Variants in MLXIPL observed in about 807,000 individuals in gnomAD.
MLXIPL encodes carbohydrate-responsive element-binding protein.
Under a neutral mutation model 81.5 loss-of-function variants are expected in MLXIPL, and 49 were observed. That is an observed-to-expected ratio of 0.60 (90% CI 0.48 to 0.76). MLXIPL has a LOEUF of 0.76. MLXIPL is among the 30% of genes least tolerant of loss of function. MLXIPL has a pLI of 0.00. For missense variants in MLXIPL, 1,053 were observed against 1,167.0 expected (o/e 0.90, Z 1.42); for synonymous variants, 466 against 485.5 (o/e 0.96, Z 0.53).
chr7:73,599,649 G>A lies in MLXIPL; in HGVS notation c.948C>T (p.Asn316=). The change falls in exon 8 of 17, where the codon AAC becomes AAT. Residue 316 remains asparagine, a synonymous_variant. Coordinates refer to ENST00000313375, the MANE Select transcript of MLXIPL (RefSeq NM_032951.3). ...SRLPQPPMPS[N]FPEPPSFSPV... is the part of the protein sequence containing the mutation. ...GGCTGAAGCTGGGGGGCTCTGGGAA[G>A]TTTGAAGGCATGGGCGGCTGTGGGA... 12 of 1,609,036 alleles carry A rather than the reference G, an allele frequency of 7.5e-6. No individual in the cohort carries two copies. Among genetic ancestry groups the A allele is most frequent in the Non-Finnish European group, 1.0e-5 (12 of 1,177,304 alleles).
In MLXIPL at chr7:73,596,543, C is replaced by T; in HGVS notation, c.1823-64G>A. 3 of 1,602,914 alleles carry T rather than the reference C, an allele frequency of 1.9e-6. No individual in the cohort carries two copies. The highest frequency in any genetic ancestry group is 2.6e-6 in the Non-Finnish European group (3 of 1,173,590). ...CAGGGGAAAGGGTCCCCATTGCCCC[C>T]TTCCTCTCATCTGGCCCCAGACCCA... On this transcript the variant is annotated intron_variant, in intron 11 of 16. Coordinates refer to ENST00000313375, the MANE Select transcript of MLXIPL (RefSeq NM_032951.3). This position sits in a 1 kb window ranked among gnomAD's most constrained non-coding sequence, Gnocchi z 4.7.
chr7:73,607,593 C>A lies in MLXIPL; in HGVS notation c.480G>T (p.Pro160=). The change falls in exon 3 of 17, where the codon CCG becomes CCT. Residue 160 remains proline (P), a synonymous_variant. Coordinates refer to ENST00000313375, the MANE Select transcript of MLXIPL (RefSeq NM_032951.3). ...AGGCGGTCCAGAACCCAGCTACCTC[C>A]GGCTTCCGGTGCGCATCAGCCTCAG... ...QGPEADAHRK[P]EAVVLEGNYW... The A allele has an allele frequency of 6.2e-7, 1 of 1,612,816 alleles. No individual in the cohort carries two copies. The highest frequency in any genetic ancestry group is 8.5e-7 in the Non-Finnish European group (1 of 1,179,956).
At chr7:73,627,335 G>A (rs1400419906), upstream of MLXIPL, among the ~76,000 whole-genome samples, 4 of 147,090 alleles carry the variant, frequency 2.7e-5, no homozygotes, top group African/African-American at 1.0e-4. Flanking sequence ...TGCAACCTCC[G>A]CCTCCCGGGC....
rs782657506 is a variant in MLXIPL, at chr7:73,605,972, G to A, written c.758C>T (p.Ser253Leu). 20 of 1,592,352 alleles carry A rather than the reference G, an allele frequency of 1.3e-5. No individual in the cohort carries two copies. Among genetic ancestry groups the A allele is most frequent in the Admixed American group, 7.1e-5 (4 of 56,322 alleles). ...LDLNCFLSDI[S>L]DTLFTMTQSG... ...CTGAGTCATGGTGAAGAGAGTGTCT[G>A]AGATGTCGGACAAAAAGCAATTGAG... is the stretch of plus-strand genomic sequence containing the variant. Residue 253 changes from serine to leucine, a missense_variant, in exon 6 of 17, where the codon TCA becomes TTA. By Grantham distance (145) the Ser-to-Leu change is moderately radical (BLOSUM62 -2). Coordinates refer to ENST00000313375, the MANE Select transcript of MLXIPL (RefSeq NM_032951.3).
rs781870697 is a variant in MLXIPL, at chr7:73,597,518, C to G, written c.1267G>C (p.Ala423Pro). The change falls in exon 9 of 17, where the codon GCT becomes CCT. Residue 423 changes from alanine to proline, a missense_variant. Coordinates refer to ENST00000313375, the MANE Select transcript of MLXIPL (RefSeq NM_032951.3). Reference protein sequence around the residue: ...PPFPPMAPPTALLQEEPLFSP... With the variant: ...PPFPPMAPPTPLLQEEPLFSP... ...AAGAGAGGCTCTTCCTGCAGCAAAGCAGTGGGTGGTGCCATGGGAGGGAAG... is the reference window on the plus strand; with the variant it reads ...AAGAGAGGCTCTTCCTGCAGCAAAGGAGTGGGTGGTGCCATGGGAGGGAAG... The G allele has an allele frequency of 2.0e-5, 27 of 1,375,276 alleles. No individual in the cohort carries two copies. The highest frequency in any genetic ancestry group is 2.2e-5 in the Non-Finnish European group (23 of 1,063,176). 85.2% of individuals were successfully genotyped at this position (1,375,276 alleles called of 1,614,324 possible).
At chr7:73,621,123 G>T (rs990286608) in intron 1 of MLXIPL, among the ~76,000 whole-genome samples, 7 of 151,566 alleles carry the variant, frequency 4.6e-5, no homozygotes, top group Non-Finnish European at 5.9e-5. Flanking sequence ...TTAGAGAGGG[G>T]GTTGAGAAAA....
intron 8 of MLXIPL, 110 bp downstream of exon 8, chr7:73,599,416 A>G: frequency 1.5e-6 from 2 of 1,373,354 alleles, no homozygotes; most frequent in South Asian, 2.3e-5. Context: ...TCCAATCTCC[A>G]AGCAGAAGAC....
Position 73,595,867 on chromosome 7 carries a change from T to C in MLXIPL, c.2161A>G (p.Ile721Val), listed in dbSNP as rs781945239. The change falls in exon 14 of 17, where the codon ATT (isoleucine) becomes GTT (valine). Residue 721 changes from isoleucine to valine, a missense_variant. Transcript: ENST00000313375. ...TTAATGGCGGCATTGAGCTCCTCAA[T>C]CTCATCCCGCAGCTGCTGGGCCTCC... is the stretch of plus-strand genomic sequence containing the variant. ...QEEAQQLRDE[I>V]EELNAAINLC... 6.2e-7 allele frequency: 1 copy of C among 1,610,128 alleles called. No individual in the cohort carries two copies. The highest frequency in any genetic ancestry group is 1.7e-5 in the Admixed American group (1 of 59,470).
the MLXIPL span, among the ~76,000 whole-genome samples, chr7:73,640,908 C>T: frequency 5.3e-5 from 8 of 152,076 alleles, no homozygotes; most frequent in East Asian, 1.9e-4. Context: ...TTTTGATTGA[C>T]CAAACCAGAG....
chr7:73,647,467 A>G, the MLXIPL span, among the ~76,000 whole-genome samples: 12 of 152,246 alleles, frequency 7.9e-5, no homozygotes, highest in African/African-American at 2.9e-4. Flanking sequence ...ATGGAAGCCC[A>G]GCCCAGTCCA....
chr7:73,594,560 T>C (rs1218082411), intron 15 of MLXIPL, among the ~76,000 whole-genome samples, 157 bp from the exon 16 acceptor site: 3 of 152,042 alleles, frequency 2.0e-5, no homozygotes, highest in Non-Finnish European at 4.4e-5. Flanking sequence ...CTTCTTTTTT[T>C]TTTTTTGAGA....
At chr7:73,632,739 CTTCT>C in the MLXIPL span, among the ~76,000 whole-genome samples, 1,866 of 125,984 alleles carry the variant, frequency 0.015, 17 homozygotes, top group Non-Finnish European at 0.023. Context: ...TCATTCCTTC[CTTCT>C]TTCCTTCCTT....
intron 2 of MLXIPL, among the ~76,000 whole-genome samples, chr7:73,613,907 C>T (rs1795847811): frequency 6.6e-6 from 1 of 152,142 alleles, no homozygotes; most frequent in Admixed American, 6.5e-5. Context: ...GAGGCTGAGG[C>T]GGGCAGATCA....
At position 73,593,464 on chromosome 7, in the gene MLXIPL, G is replaced by A. The variant is rs1214964863; in HGVS notation, c.*401C>T. On this transcript the variant is annotated 3_prime_UTR_variant, in exon 17 of 17. Transcript: ENST00000313375. Reference sequence around the variant, plus strand: ...GTGCCCCACCTGTCGGGGAGCAAGTGGAGGTGACAGAGAAACAGCATCCTC... The same window carrying A: ...GTGCCCCACCTGTCGGGGAGCAAGTAGAGGTGACAGAGAAACAGCATCCTC... 3.3e-6 allele frequency: 1 copy of A among 300,326 alleles called. No homozygotes were observed. The highest frequency in any genetic ancestry group is 3.2e-5 in the South Asian group (1 of 31,688). 18.6% of individuals were successfully genotyped at this position (300,326 alleles called of 1,614,324 possible). A position where few individuals can be genotyped will look rare whatever the true frequency, so the allele number is the denominator to read the frequency against.
the MLXIPL span, among the ~76,000 whole-genome samples, chr7:73,641,130 T>A: frequency 6.6e-6 from 1 of 152,080 alleles, no homozygotes; most frequent in African/African-American, 2.4e-5. Flanking sequence ...GGCAAAATCC[T>A]ATCTCTACCA....
rs1554598065 is a variant in MLXIPL, at chr7:73,606,126, C to G, written c.619-15G>C. 6.4e-7 allele frequency: 1 copy of G among 1,559,072 alleles called. No homozygotes were observed. Among genetic ancestry groups the G allele is most frequent in the Non-Finnish European group, 8.7e-7 (1 of 1,151,846 alleles). On this transcript the variant is annotated splice_polypyrimidine_tract_variant and intron_variant, in intron 5 of 16. Coordinates refer to ENST00000313375, the MANE Select transcript of MLXIPL (RefSeq NM_032951.3). ...CTGCCTTCCGCCTAGGGAGACAGAG[C>G]CGTCAGCAGCCGCTAGAGAGCTCCC...
chr7:73,613,746 C>T (rs1025111937), intron 2 of MLXIPL, among the ~76,000 whole-genome samples: 19 of 152,220 alleles, frequency 1.2e-4, no homozygotes, highest in East Asian at 3.8e-4. Flanking sequence ...TGTCTGATTC[C>T]GAACCTGGGG....
At chr7:73,598,906 G>A (rs968350532) in intron 8 of MLXIPL, among the ~76,000 whole-genome samples, 47 of 151,886 alleles carry the variant, frequency 3.1e-4, no homozygotes, top group African/African-American at 1.1e-3. Context: ...GACTACTGAG[G>A]TCAGGAGTTT....
Position 73,624,462 on chromosome 7 carries a change from C to T in MLXIPL, c.31G>A (p.Gly11Ser). The T allele has an allele frequency of 6.5e-7, 1 of 1,546,446 alleles. No homozygotes were observed. Among genetic ancestry groups the T allele is most frequent in the Non-Finnish European group, 8.7e-7 (1 of 1,153,962 alleles). Residue 11 changes from glycine (G) to serine (S), a missense_variant, in exon 1 of 17, where the codon GGC (glycine) becomes AGC (serine). Transcript: ENST00000313375. ...GGCGCGACCCGCGGGACCTGCAAGC[C>T]CGCGGCCAGACCTGCCAGCGCGCCG... MAGALAGLAA[G>S]LQVPRVAPSP...
Sources: allele counts gnomAD v4.1 joint callset (sites outside exome capture counted in the v4.1 genomes callset), GRCh38; gene constraint gnomAD v4.1.1; non-coding constraint Gnocchi (gnomAD v3.1); transcripts MANE v1.5; gene names NCBI Gene and HGNC (gene_info 2026-07-23, HGNC 2026-07-21).